AKAP13: variants seen among roughly 807,000 people sequenced by gnomAD.
AKAP13 encodes A-kinase anchoring protein 13, also known as A-kinase anchor protein 13.
AKAP13 carries 80 observed loss-of-function variants against 264.5 expected under a neutral mutation model. That is an observed-to-expected ratio of 0.30 (90% confidence interval 0.25 to 0.36). AKAP13 has a LOEUF of 0.36. Ranked by LOEUF, AKAP13 falls within the 10% of genes least tolerant of loss-of-function variation. The pLI is 1.00. For missense variants in AKAP13, 3,712 were observed against 3,435.2 expected, an observed-to-expected ratio of 1.08 and a Z score of -2.01; for synonymous variants, 1,380 against 1,250.2, an observed-to-expected ratio of 1.10 and a Z score of -2.19.
At chr15:85,498,002 G>A (rs2075921664) in intron 2 of AKAP13, among the ~76,000 whole-genome samples, 1 of 151,962 alleles carries the variant, frequency 6.6e-6, no homozygotes. Context: ...AAGAACATAT[G>A]GATTTTGTCT....
chr15:85,682,032 G>A (rs117130987), intron 14 of AKAP13, 126 bp from the exon 15 acceptor site: 10,884 of 797,136 alleles, frequency 0.014, 101 homozygotes, highest in Non-Finnish European at 0.018. Flanking sequence ...AGAAGGAGGA[G>A]GTACCATGTG....
At chr15:85,554,687 T>C (rs948834025) in intron 5 of AKAP13, among the ~76,000 whole-genome samples, 10 of 152,134 alleles carry the variant, frequency 6.6e-5, no homozygotes, top group Admixed American at 1.3e-4. Context: ...AATATATCAA[T>C]CGTTTCGGGT....
chr15:85,673,694 G>GTTTTTTTCT (rs2084052641), intron 14 of AKAP13, among the ~76,000 whole-genome samples: 1 of 84,150 alleles, frequency 1.2e-5, no homozygotes, highest in South Asian at 4.6e-4. Flanking sequence ...TTTTTTTTTG[G>GTTTTTTTCT]GGAGACAGAA....
chr15:85,524,509 T>C (rs1177914208), intron 3 of AKAP13, among the ~76,000 whole-genome samples: 1 of 152,074 alleles, frequency 6.6e-6, no homozygotes, highest in Non-Finnish European at 1.5e-5. Flanking sequence ...TTATTTTTCA[T>C]GTTTCATCCA....
At chr15:85,478,904 G>A (rs78415880) in intron 1 of AKAP13, among the ~76,000 whole-genome samples, 2,302 of 152,082 alleles carry the variant, frequency 0.015, 68 homozygotes, top group African/African-American at 0.053. Context: ...TTGGTCTCCC[G>A]ATTTCTACTC....
chr15:85,613,931 A>G (rs1006413957), intron 8 of AKAP13, among the ~76,000 whole-genome samples: 3 of 152,018 alleles, frequency 2.0e-5, no homozygotes, highest in Non-Finnish European at 4.4e-5. Context: ...GAATATATCT[A>G]TACAGAAAGC....
At chr15:85,639,313 C>A in intron 8 of AKAP13, 61 bp from the exon 9 acceptor site, 1 of 1,167,614 alleles carries the variant, frequency 8.6e-7, no homozygotes, top group Non-Finnish European at 1.3e-6. Flanking sequence ...AATTTTGGCA[C>A]CTGTAAAATT....
At chr15:85,661,662 G>T (rs759655559) in intron 12 of AKAP13, among the ~76,000 whole-genome samples, 1 of 151,888 alleles carries the variant, frequency 6.6e-6, no homozygotes, top group Non-Finnish European at 1.5e-5. Flanking sequence ...CAGAGGTTGC[G>T]GTGAGCCAGG....
intron 35 of AKAP13, among the ~76,000 whole-genome samples, chr15:85,741,740 AAC>A (rs1555466299): frequency 6.6e-5 from 10 of 150,432 alleles, no homozygotes; most frequent in Admixed American, 4.0e-4. Context: ...AAAAAAAAAA[AAC>A]AGTTTTTAAG....
In AKAP13 at chr15:85,425,320, A is replaced by G. The variant is rs1469197078; in HGVS notation, c.-12+44522A>G. Among the ~76,000 whole-genome samples, 4 of 152,328 alleles carry G rather than the reference A, an allele frequency of 2.6e-5. No homozygotes were observed. In the East Asian group the frequency reaches 5.8e-4, roughly 22 times the overall value. ...TGTATAAAAAGCCTGGTTTTAAATT[A>G]CAGTTTTCTAGGTGTGTTTATATAA... On this transcript the variant is annotated intron_variant, in intron 1 of 36. Transcript: ENST00000394518.
At chr15:85,578,816 C>A (rs535840620) in intron 6 of AKAP13, 114 bp from the exon 7 acceptor site, 179 of 938,900 alleles carry the variant, frequency 1.9e-4, no homozygotes, top group Non-Finnish European at 2.9e-4. Context: ...ATCATGTGAC[C>A]TTAGAAGAGC....
At chr15:85,717,463 C>G in intron 21 of AKAP13, 61 bp downstream of exon 21, 1 of 1,174,444 alleles carries the variant, frequency 8.5e-7, no homozygotes, top group Non-Finnish European at 1.2e-6. Context: ...GTGTCATTAC[C>G]TAGAACATAA....
intron 2 of AKAP13, chr15:85,520,672 A>T (rs534825833): frequency 2.0e-4 from 106 of 519,058 alleles, no homozygotes; most frequent in Admixed American, 4.8e-4. Flanking sequence ...AATACAAATT[A>T]TTAGAAAAGC....
At chr15:85,676,991 G>A (rs1328783745) in intron 14 of AKAP13, 30 of 985,312 alleles carry the variant, frequency 3.0e-5, no homozygotes, top group Middle Eastern at 5.2e-4. Flanking sequence ...CAGCAGATGC[G>A]GCCAGCAAGG....
intron 1 of AKAP13, among the ~76,000 whole-genome samples, chr15:85,446,565 T>A (rs1020929910): frequency 6.6e-6 from 1 of 152,158 alleles, no homozygotes; most frequent in East Asian, 1.9e-4. Context: ...TTGAGAGTGG[T>A]TTGCCTATAA....
At chr15:85,739,106 C>T (rs1163999142) in intron 33 of AKAP13, among the ~76,000 whole-genome samples, 2 of 152,108 alleles carry the variant, frequency 1.3e-5, no homozygotes, top group African/African-American at 4.8e-5. Flanking sequence ...GATAGTTAAC[C>T]GTTTTTCTAC....
At chr15:85,666,580 A>G (rs1454594175) in intron 13 of AKAP13, among the ~76,000 whole-genome samples, 1 of 152,072 alleles carries the variant, frequency 6.6e-6, no homozygotes, top group Non-Finnish European at 1.5e-5. Context: ...ACAGGGTCTC[A>G]CTCTGTCGCC....
intron 9 of AKAP13, among the ~76,000 whole-genome samples, chr15:85,640,572 A>C (rs2082262962): frequency 1.3e-5 from 2 of 152,298 alleles, no homozygotes; most frequent in South Asian, 4.1e-4. Context: ...GTAGTTAAGG[A>C]TATTATGCTA....
chr15:85,584,398 T>A (rs2079251346), intron 7 of AKAP13, among the ~76,000 whole-genome samples: 1 of 152,036 alleles, frequency 6.6e-6, no homozygotes, highest in African/African-American at 2.4e-5. Flanking sequence ...TTGATAGGTA[T>A]AGGAAAGGAA....
Sources: allele counts gnomAD v4.1 joint callset (sites outside exome capture counted in the v4.1 genomes callset), GRCh38; gene constraint gnomAD v4.1.1; transcripts MANE v1.5; gene names NCBI Gene and HGNC (gene_info 2026-07-23, HGNC 2026-07-21).